Variants in SLC10A7 observed in about 807,000 individuals in gnomAD.
The protein encoded by SLC10A7 is solute carrier family 10 member 7.
SLC10A7 carries 29 observed loss-of-function variants against 43.2 expected under a neutral mutation model. That is an observed-to-expected ratio of 0.67 (90% CI 0.50 to 0.92). SLC10A7 has a LOEUF of 0.92. Among genes scored for constraint, SLC10A7 ranks in the 40% least tolerant of loss-of-function variants. The probability of loss-of-function intolerance (pLI) is 0.00; values close to 1 mark genes in which losing one functional copy is unlikely to be tolerated. For missense variants in SLC10A7, 295 were observed against 403.2 expected (o/e 0.73, Z 2.30); for synonymous variants, 152 against 144.8 (o/e 1.05, Z -0.35).
At chr4:146,288,786 C>A (rs1232432514) in intron 9 of SLC10A7, among the ~76,000 whole-genome samples, 1 of 152,184 alleles carries the variant, frequency 6.6e-6, no homozygotes, top group Non-Finnish European at 1.5e-5. Flanking sequence ...TACCTTATCT[C>A]TTTTTAATAT....
intron 4 of SLC10A7, among the ~76,000 whole-genome samples, chr4:146,493,727 C>T (rs1735656264): frequency 6.6e-6 from 1 of 152,180 alleles, no homozygotes; most frequent in Non-Finnish European, 1.5e-5. Flanking sequence ...AACGGGCTAT[C>T]TTGGGTATCT....
At chr4:146,296,965 T>C (rs899885963) in intron 7 of SLC10A7, among the ~76,000 whole-genome samples, 1 of 152,192 alleles carries the variant, frequency 6.6e-6, no homozygotes, top group African/African-American at 2.4e-5. Context: ...CTTTGCCTTA[T>C]AGAAATCTTT....
chr4:146,337,043 A>G (rs908818994), intron 5 of SLC10A7, among the ~76,000 whole-genome samples: 1 of 151,940 alleles, frequency 6.6e-6, no homozygotes, highest in Admixed American at 6.6e-5. Context: ...GACAAAAACA[A>G]TTTGAAATTT....
chr4:146,278,474 C>T (rs1442586383), intron 10 of SLC10A7, among the ~76,000 whole-genome samples: 2 of 152,028 alleles, frequency 1.3e-5, no homozygotes, highest in Non-Finnish European at 2.9e-5. Flanking sequence ...TTTAACATTC[C>T]TAAGAAACTT....
chr4:146,292,813 G>A, intron 9 of SLC10A7, 116 bp downstream of exon 9: 1 of 682,630 alleles, frequency 1.5e-6, no homozygotes, highest in Admixed American at 3.3e-5. Flanking sequence ...GGAGACAGGA[G>A]AAAAACATAT....
intron 5 of SLC10A7, among the ~76,000 whole-genome samples, chr4:146,393,573 G>A (rs1348731591): frequency 6.6e-6 from 1 of 152,192 alleles, no homozygotes; most frequent in Non-Finnish European, 1.5e-5. Flanking sequence ...CATTGTGCTG[G>A]CACTGGGAAC....
chr4:146,365,324 T>A (rs2630282), intron 5 of SLC10A7, among the ~76,000 whole-genome samples: 3 of 152,200 alleles, frequency 2.0e-5, no homozygotes, highest in Admixed American at 6.5e-5. Context: ...TATATTTGCA[T>A]TTGCATTTAA....
At chr4:146,302,295 T>G (rs973575763) in intron 7 of SLC10A7, among the ~76,000 whole-genome samples, 1 of 152,218 alleles carries the variant, frequency 6.6e-6, no homozygotes, top group Non-Finnish European at 1.5e-5. Context: ...TATGCCTCTA[T>G]ACAACAAAGC....
intron 5 of SLC10A7, among the ~76,000 whole-genome samples, chr4:146,352,969 TAA>T (rs1337858465): frequency 4.2e-5 from 6 of 143,680 alleles, no homozygotes; most frequent in Admixed American, 4.2e-4. Flanking sequence ...ACATCACAAT[TAA>T]AAGAACTAGA....
chr4:146,378,098 G>T (rs11721629), intron 5 of SLC10A7, among the ~76,000 whole-genome samples: 20,431 of 152,180 alleles, frequency 0.13, 1,421 homozygotes, highest in South Asian at 0.16. Flanking sequence ...GTTTTAGGTG[G>T]AAAAGACTGG....
At chr4:146,508,860 T>A (rs937905059) in intron 3 of SLC10A7, among the ~76,000 whole-genome samples, 1 of 152,192 alleles carries the variant, frequency 6.6e-6, no homozygotes, top group African/African-American at 2.4e-5. Flanking sequence ...CAGAATAAAA[T>A]CTGAATGCTG....
intron 5 of SLC10A7, among the ~76,000 whole-genome samples, chr4:146,381,679 CTT>C (rs1241529128): frequency 4.6e-5 from 7 of 152,204 alleles, no homozygotes; most frequent in African/African-American, 1.7e-4. Flanking sequence ...GAGGCAAGTT[CTT>C]CTTTTCCCTT....
chr4:146,312,279 C>A (rs906973109), intron 6 of SLC10A7, among the ~76,000 whole-genome samples: 2 of 151,972 alleles, frequency 1.3e-5, no homozygotes, highest in African/African-American at 4.8e-5. Context: ...AGCTACTGTT[C>A]TTTTCTTAGT....
chr4:146,479,264 T>C (rs1008320194), intron 4 of SLC10A7, among the ~76,000 whole-genome samples: 5 of 152,234 alleles, frequency 3.3e-5, no homozygotes. Context: ...AGGTTTCAAT[T>C]ATCTTCGTAA....
chr4:146,488,525 C>T (rs1274270190), intron 4 of SLC10A7, among the ~76,000 whole-genome samples: 1 of 152,176 alleles, frequency 6.6e-6, no homozygotes, highest in African/African-American at 2.4e-5. Context: ...AAGTCCCATT[C>T]AGCTACTAAG....
At chr4:146,279,023 T>A (rs1262582862) in intron 10 of SLC10A7, among the ~76,000 whole-genome samples, 1 of 152,202 alleles carries the variant, frequency 6.6e-6, no homozygotes, top group Non-Finnish European at 1.5e-5. Context: ...CACAAATGTC[T>A]GTAAATGGCA....
At chr4:146,515,248 C>T (rs908497579) in intron 2 of SLC10A7, 9 of 684,452 alleles carry the variant, frequency 1.3e-5, no homozygotes, top group Non-Finnish European at 2.1e-5. Flanking sequence ...TAGAGCAACG[C>T]CCCAAGTAAA....
chr4:146,262,231 T>C (rs1728273534), intron 10 of SLC10A7, among the ~76,000 whole-genome samples: 1 of 152,228 alleles, frequency 6.6e-6, no homozygotes, highest in Admixed American at 6.5e-5. Context: ...AAGGTCAGAA[T>C]AGAAAGAGAA....
intron 5 of SLC10A7, among the ~76,000 whole-genome samples, chr4:146,400,051 G>A (rs1455369512): frequency 6.6e-6 from 1 of 152,156 alleles, no homozygotes; most frequent in African/African-American, 2.4e-5. Context: ...ACATTTAGAG[G>A]TTACAGAACC....
Sources: gnomAD v4.1 joint callset for allele counts (sites outside exome capture counted in the v4.1 genomes callset) on GRCh38, gnomAD v4.1.1 for gene constraint, MANE v1.5 for transcripts, NCBI Gene and HGNC (gene_info 2026-07-23, HGNC 2026-07-21) for gene names.